The following RBFOX3 variants were observed in gnomAD, a reference collection of about 807,000 sequenced individuals.
RBFOX3 encodes the protein RNA binding fox-1 homolog 3.
Under a neutral mutation model 48.7 loss-of-function variants are expected in RBFOX3, and 17 were observed. The ratio of observed to expected loss-of-function variants is 0.35; its 90% CI spans 0.24 to 0.52. The LOEUF (loss-of-function observed/expected upper bound fraction) is 0.52. RBFOX3 is among the 20% of genes least tolerant of loss of function. RBFOX3 has a pLI of 0.94. For synonymous variants in RBFOX3, 212 were observed against 209.5 expected (o/e 1.01, Z -0.10); for missense variants, 382 against 497.5 (o/e 0.77, Z 2.21).
At chr17:79,267,398 T>C (rs1756066959) in intron 3 of RBFOX3, among the ~76,000 whole-genome samples, 1 of 152,130 alleles carries the variant, frequency 6.6e-6, no homozygotes, top group Non-Finnish European at 1.5e-5. Context: ...TCTCTCTTTT[T>C]TTTTTGATTT....
intron 2 of RBFOX3, among the ~76,000 whole-genome samples, chr17:79,458,725 C>T (rs577869617): frequency 5.5e-4 from 84 of 152,180 alleles, no homozygotes; most frequent in African/African-American, 2.0e-3. Context: ...AGCGGAGGAG[C>T]AATTTCCTGG....
At chr17:79,434,484 A>C (rs1043701196) in intron 2 of RBFOX3, among the ~76,000 whole-genome samples, 15 of 152,188 alleles carry the variant, frequency 9.9e-5, no homozygotes, top group African/African-American at 3.6e-4. Flanking sequence ...TGTTGGAAAC[A>C]CCTGGGTAGG....
the RBFOX3 span, among the ~76,000 whole-genome samples, chr17:79,658,530 C>A: frequency 6.6e-6 from 1 of 151,524 alleles, no homozygotes; most frequent in African/African-American, 2.4e-5. Context: ...ATGGATAATT[C>A]TACCCATCAC....
Position 79,279,682 on chromosome 17 carries a change from C to T in RBFOX3, c.-74+28042G>A, listed in dbSNP as rs540998881. ...GCAGGCCTCAGCTCCCCACAGCCAG[C>T]AAGGCACTCCCACGGCAGACAGCTC... is the stretch of plus-strand genomic sequence containing the variant. On this transcript the variant is annotated intron_variant, in intron 3 of 14. Transcript: ENST00000693108. 1.2e-4 allele frequency among the ~76,000 whole-genome samples: 19 copies of T among 152,352 alleles called. No individual in the cohort carries two copies. In the East Asian group the frequency reaches 3.3e-3, roughly 26 times the overall value.
chr17:79,359,948 A>G (rs1385625524), intron 2 of RBFOX3, among the ~76,000 whole-genome samples: 1 of 151,112 alleles, frequency 6.6e-6, no homozygotes, highest in Non-Finnish European at 1.5e-5. Context: ...CTGATCTCGA[A>G]CTCCAGGGCT....
chr17:79,300,736 G>A (rs142474836), intron 3 of RBFOX3, among the ~76,000 whole-genome samples: 38 of 152,310 alleles, frequency 2.5e-4, no homozygotes, highest in African/African-American at 4.8e-4. Context: ...TTTCCAAGCC[G>A]ACGTTTCGAG....
At position 79,169,736 on chromosome 17, in the gene RBFOX3, G is replaced by A. The variant is rs56683088; in HGVS notation, c.-33-53988C>T. Among the ~76,000 whole-genome samples the A allele has an allele frequency of 4.1e-3, 623 of 152,344 alleles. 3 individuals carry two copies. Among genetic ancestry groups the A allele is most frequent in the African/African-American group, 0.015 (605 of 41,566 alleles). Reference sequence around the variant, plus strand: ...AGGCTGGGTGGGGAGAACGGGAGGTGGCTGCCACTGGGCATGGTATTCTTG... The same window carrying A: ...AGGCTGGGTGGGGAGAACGGGAGGTAGCTGCCACTGGGCATGGTATTCTTG... On this transcript the variant is annotated intron_variant, in intron 4 of 14. Coordinates refer to ENST00000693108, the MANE Select transcript of RBFOX3 (RefSeq NM_001350451.2).
At chr17:79,179,839 G>C (rs117473545) in intron 4 of RBFOX3, among the ~76,000 whole-genome samples, 3 of 152,104 alleles carry the variant, frequency 2.0e-5, no homozygotes, top group Non-Finnish European at 4.4e-5. Context: ...CTCCTCACTG[G>C]CCATCATGCA....
chr17:79,125,108 C>G lies in RBFOX3; in HGVS notation c.-33-9360G>C, dbSNP rs16971994. Among the ~76,000 whole-genome samples, 145 of 152,332 alleles carry G rather than the reference C, an allele frequency of 9.5e-4. 2 individuals carry two copies. The East Asian group carries it at 0.027, about 28-fold the overall frequency. On this transcript the variant is annotated intron_variant, in intron 4 of 14. Coordinates refer to ENST00000693108, the MANE Select transcript of RBFOX3 (RefSeq NM_001350451.2). Reference sequence around the variant, plus strand: ...TGAAAATAAACTCGTCTCCAATTATCCGGGAATGAGCGAGCCACCTGCTGC... The same window carrying G: ...TGAAAATAAACTCGTCTCCAATTATGCGGGAATGAGCGAGCCACCTGCTGC...
chr17:79,156,738 A>G (rs2045898404), intron 4 of RBFOX3, among the ~76,000 whole-genome samples: 1 of 152,202 alleles, frequency 6.6e-6, no homozygotes, highest in African/African-American at 2.4e-5. Flanking sequence ...AGACTAGCCC[A>G]GGTGCTGTCT....
intron 2 of RBFOX3, among the ~76,000 whole-genome samples, chr17:79,376,369 G>A (rs2059222192): frequency 6.6e-6 from 1 of 152,148 alleles, no homozygotes; most frequent in Non-Finnish European, 1.5e-5. Flanking sequence ...GGAGGTGTGG[G>A]TGGAGAGGGA....
At chr17:79,376,718 C>T (rs1331985973) in intron 2 of RBFOX3, among the ~76,000 whole-genome samples, 1 of 152,134 alleles carries the variant, frequency 6.6e-6, no homozygotes. Context: ...GTCCAGTGAC[C>T]ATGAGTTGAG....
intron 14 of RBFOX3, chr17:79,092,142 C>G (rs999660367): frequency 5.1e-6 from 5 of 985,312 alleles, no homozygotes; most frequent in Non-Finnish European, 4.8e-6. Context: ...CGGGGCTGGT[C>G]GGGTGGCTTT....
chr17:79,461,912 G>A (rs576452410), intron 2 of RBFOX3, among the ~76,000 whole-genome samples: 9 of 152,214 alleles, frequency 5.9e-5, no homozygotes, highest in Non-Finnish European at 1.2e-4. Flanking sequence ...CAAGGGGCAA[G>A]GGAAGTTCTT....
At chr17:79,371,603 T>C (rs1332053662) in intron 2 of RBFOX3, among the ~76,000 whole-genome samples, 3 of 152,172 alleles carry the variant, frequency 2.0e-5, no homozygotes, top group Admixed American at 6.5e-5. Flanking sequence ...TCCCTAGGGT[T>C]AGGGGCCACT....
intron 2 of RBFOX3, among the ~76,000 whole-genome samples, chr17:79,474,835 A>G (rs1227334238): frequency 6.6e-6 from 1 of 151,776 alleles, no homozygotes; most frequent in Non-Finnish European, 1.5e-5. Flanking sequence ...CCACCCAAAA[A>G]TGTGTCCACA....
At chr17:79,209,009 C>T (rs1041879685) in intron 4 of RBFOX3, among the ~76,000 whole-genome samples, 6 of 151,798 alleles carry the variant, frequency 4.0e-5, no homozygotes, top group African/African-American at 1.2e-4. Context: ...TTAGTAGAGA[C>T]AGGGTTTCAC....
At chr17:79,533,614 C>T (rs1389092431) in intron 1 of RBFOX3, among the ~76,000 whole-genome samples, 2 of 152,196 alleles carry the variant, frequency 1.3e-5, no homozygotes, top group African/African-American at 4.8e-5. Context: ...GCATAGATAC[C>T]CCGCGATGGG....
intron 4 of RBFOX3, among the ~76,000 whole-genome samples, chr17:79,145,696 C>G (rs1017003824): frequency 5.3e-5 from 8 of 152,248 alleles, no homozygotes; most frequent in African/African-American, 1.4e-4. Context: ...CTGCCACCAC[C>G]ACAGGCAAGG....
Sources: allele counts gnomAD v4.1 joint callset (sites outside exome capture counted in the v4.1 genomes callset), GRCh38; gene constraint gnomAD v4.1.1; transcripts MANE v1.5; gene names NCBI Gene and HGNC (gene_info 2026-07-23, HGNC 2026-07-21).